The following TRIM37 variants were observed in gnomAD, a reference collection of about 807,000 sequenced individuals.
The protein encoded by TRIM37 is tripartite motif containing 37.
TRIM37 carries 80 observed loss-of-function variants against 129.8 expected under a neutral mutation model. The ratio of observed to expected loss-of-function variants is 0.62; its 90% CI spans 0.51 to 0.74. The LOEUF is 0.74. Among genes scored for constraint, TRIM37 ranks in the 30% least tolerant of loss-of-function variants. TRIM37 has a pLI of 0.00. For missense variants in TRIM37, 1,054 were observed against 1,176.5 expected, an observed-to-expected ratio of 0.90 and a Z score of 1.52; for synonymous variants, 389 against 387.1, an observed-to-expected ratio of 1.00 and a Z score of -0.06.
downstream of TRIM37, among the ~76,000 whole-genome samples, chr17:58,993,426 T>C (rs1176266732): frequency 2.6e-5 from 4 of 152,138 alleles, no homozygotes; most frequent in Admixed American, 6.5e-5. Flanking sequence ...GAATGAACAG[T>C]GGTATATCCA....
chr17:58,967,779 TCTAC>T, the TRIM37 span, among the ~76,000 whole-genome samples: 105 of 151,892 alleles, frequency 6.9e-4, 4 homozygotes, highest in East Asian at 0.02. Flanking sequence ...GGATAGAAAT[TCTAC>T]CTGTCAGCAT....
At chr17:58,974,990 T>C in the TRIM37 span, among the ~76,000 whole-genome samples, 1 of 152,236 alleles carries the variant, frequency 6.6e-6, no homozygotes, top group Non-Finnish European at 1.5e-5. Flanking sequence ...GTCTCATTTC[T>C]AAAATATACC....
intron 17 of TRIM37, among the ~76,000 whole-genome samples, chr17:59,039,350 CTT>C (rs71145516): frequency 3.3e-4 from 48 of 144,438 alleles, no homozygotes; most frequent in Non-Finnish European, 3.6e-4. Context: ...GATGGCCAGT[CTT>C]TTTTTTTTTT....
At chr17:59,088,043 T>A in intron 4 of TRIM37, 1 of 597,438 alleles carries the variant, frequency 1.7e-6, no homozygotes, top group Non-Finnish European at 3.0e-6. Flanking sequence ...TCTAGCAAAG[T>A]ACTTTCTGTG....
chr17:59,057,616 C>T (rs536517125), intron 12 of TRIM37, among the ~76,000 whole-genome samples: 1 of 152,142 alleles, frequency 6.6e-6, no homozygotes, highest in Non-Finnish European at 1.5e-5. Flanking sequence ...CTCTGCCCCC[C>T]AGTTCAAGTG....
At chr17:59,000,842 T>C (rs969112006) in intron 23 of TRIM37, among the ~76,000 whole-genome samples, 2 of 152,122 alleles carry the variant, frequency 1.3e-5, no homozygotes, top group Non-Finnish European at 2.9e-5. Context: ...GGATTGGCAA[T>C]CATTTCCTAT....
At chr17:59,017,637 T>TC (rs1026166277) in intron 19 of TRIM37, among the ~76,000 whole-genome samples, 16 of 151,904 alleles carry the variant, frequency 1.1e-4, no homozygotes, top group African/African-American at 2.7e-4. Context: ...TTTTTTTTTT[T>TC]CCCCCAGATG....
chr17:59,058,332 G>C (rs2041159877), intron 12 of TRIM37, among the ~76,000 whole-genome samples: 1 of 152,164 alleles, frequency 6.6e-6, no homozygotes, highest in African/African-American at 2.4e-5. Flanking sequence ...GCTAAATGAT[G>C]AGAACTTATG....
chr17:58,977,457 G>T, the TRIM37 span, among the ~76,000 whole-genome samples: 1 of 147,486 alleles, frequency 6.8e-6, no homozygotes. Context: ...AAAAAAAAAA[G>T]AAATAATGAA....
chr17:59,031,684 T>C (rs2037860469), intron 18 of TRIM37, among the ~76,000 whole-genome samples: 2 of 152,254 alleles, frequency 1.3e-5, no homozygotes, highest in South Asian at 2.1e-4. Flanking sequence ...AAAACCTTCT[T>C]GCAGGCATTT....
At chr17:58,972,130 A>G in the TRIM37 span, 1 of 1,610,790 alleles carries the variant, frequency 6.2e-7, no homozygotes. Context: ...AACTGTTTTC[A>G]GAGCTTAAGA....
chr17:59,006,195 G>A (rs988750487), intron 22 of TRIM37, among the ~76,000 whole-genome samples: 2 of 152,144 alleles, frequency 1.3e-5, no homozygotes, highest in African/African-American at 2.4e-5. Flanking sequence ...ACTAAGATCT[G>A]GAAGTTTCCT....
At chr17:59,064,312 T>C in intron 10 of TRIM37, 43 bp downstream of exon 10, 1 of 1,462,802 alleles carries the variant, frequency 6.8e-7, no homozygotes, top group Non-Finnish European at 9.5e-7. Context: ...GGCTCTTCCT[T>C]ATATACACAT....
chr17:59,023,569 AG>A (rs1416113564), intron 19 of TRIM37, among the ~76,000 whole-genome samples: 1 of 151,854 alleles, frequency 6.6e-6, no homozygotes, highest in Non-Finnish European at 1.5e-5. Flanking sequence ...GCTGGAGAAT[AG>A]CATGAACCCA....
chr17:59,103,896 T>G (rs1442555146), intron 2 of TRIM37, among the ~76,000 whole-genome samples: 2 of 152,136 alleles, frequency 1.3e-5, no homozygotes, highest in Non-Finnish European at 2.9e-5. Context: ...TCCACCTACC[T>G]CGGCCTCCCA....
chr17:59,094,524 A>G (rs1054106158), intron 2 of TRIM37, among the ~76,000 whole-genome samples: 2 of 152,150 alleles, frequency 1.3e-5, no homozygotes, highest in African/African-American at 4.8e-5. Flanking sequence ...CTCATATGCA[A>G]CAAGAGAATC....
exon 25 of TRIM37, chr17:58,982,711 T>G: frequency 1.9e-6 from 1 of 517,182 alleles, no homozygotes; most frequent in Non-Finnish European, 3.4e-6. Flanking sequence ...ACTTTCAGTA[T>G]TTGTTTTCTC....
rs1028205011 is a variant in TRIM37 at position 59,057,122 on chromosome 17, A to G, written c.1020-68T>C. The G allele has an allele frequency of 1.8e-5, 25 of 1,372,810 alleles. No individual in the cohort carries two copies. The African/African-American group carries it at 3.1e-4, about 17-fold the overall frequency. The allele number at this position is 1,372,810 out of a possible 1,614,324, so 85.0% of individuals were successfully genotyped here. A position where few individuals can be genotyped will look rare whatever the true frequency, so the allele number is the denominator to read the frequency against. ...AAGAATAAAAAACAAACTCATCTAA[A>G]CATTAAGGTCACTAAGTAATTACCT... On this transcript the variant is annotated intron_variant, in intron 12 of 23. Transcript: ENST00000262294.
intron 2 of TRIM37, among the ~76,000 whole-genome samples, chr17:59,101,677 A>AAAAAAAAAAAAT (rs1568265833): frequency 9.8e-6 from 1 of 101,560 alleles, no homozygotes; most frequent in Admixed American, 1.3e-4. Context: ...AAAAAAAAAA[A>AAAAAAAAAAAAT]ATATATATAT....
Sources: gnomAD v4.1 joint callset for allele counts (sites outside exome capture counted in the v4.1 genomes callset) on GRCh38, gnomAD v4.1.1 for gene constraint, MANE v1.5 for transcripts, NCBI Gene and HGNC (gene_info 2026-07-23, HGNC 2026-07-21) for gene names.